The following CCDC7 variants were observed in gnomAD, a reference collection of about 807,000 sequenced individuals.
The protein encoded by CCDC7 is coiled-coil domain-containing protein 7.
In CCDC7, 183 loss-of-function variants were observed where a neutral mutation model predicts 196.9. The observed-to-expected ratio is 0.93, with a 90% confidence interval of 0.82 to 1.05. The LOEUF (loss-of-function observed/expected upper bound fraction) is 1.05. Among genes scored for constraint, CCDC7 ranks in the 50% least tolerant of loss-of-function variants. The pLI is 0.00. For synonymous variants in CCDC7, 525 were observed against 484.6 expected (o/e 1.08, Z -1.10); for missense variants, 1,540 against 1,482.2 (o/e 1.04, Z -0.64).
chr10:32,461,972 A>C (rs528230356), intron 3 of CCDC7, among the ~76,000 whole-genome samples: 2 of 151,626 alleles, frequency 1.3e-5, no homozygotes, highest in African/African-American at 4.8e-5. Context: ...GGGTTTCTCC[A>C]TGTTGGTCAG....
intron 21 of CCDC7, among the ~76,000 whole-genome samples, chr10:32,677,320 C>G (rs989104020): frequency 6.6e-6 from 1 of 151,158 alleles, no homozygotes; most frequent in South Asian, 2.1e-4. Flanking sequence ...ACATATGTAA[C>G]TAACCTGCAC....
intron 16 of CCDC7, among the ~76,000 whole-genome samples, chr10:32,577,438 A>T (rs1381494257): frequency 1.3e-5 from 2 of 152,140 alleles, no homozygotes; most frequent in African/African-American, 4.8e-5. Context: ...ATGGCTCATT[A>T]GTCTTTATAA....
chr10:32,695,706 A>G (rs924087057), intron 24 of CCDC7, among the ~76,000 whole-genome samples: 5 of 152,164 alleles, frequency 3.3e-5, no homozygotes, highest in African/African-American at 1.2e-4. Flanking sequence ...CACAGCCTTG[A>G]GGAGGACATT....
At chr10:32,797,212 T>C (rs1226997928) in intron 29 of CCDC7, among the ~76,000 whole-genome samples, 26 of 146,200 alleles carry the variant, frequency 1.8e-4, no homozygotes, top group Admixed American at 1.5e-3. Flanking sequence ...TACACACATA[T>C]ACACACACAC....
At chr10:32,785,102 A>G (rs1198102137) in intron 29 of CCDC7, among the ~76,000 whole-genome samples, 1 of 152,216 alleles carries the variant, frequency 6.6e-6, no homozygotes, top group Non-Finnish European at 1.5e-5. Flanking sequence ...CACTATTTTC[A>G]TCTCTATCAA....
chr10:32,730,702 C>T (rs1335382626), intron 28 of CCDC7, among the ~76,000 whole-genome samples: 3 of 151,516 alleles, frequency 2.0e-5, no homozygotes, highest in African/African-American at 7.3e-5. Context: ...TAGTAATTAA[C>T]ATATATTGTG....
chr10:32,845,768 T>TACACACACACAC (rs145287806), intron 35 of CCDC7, 108 bp from the exon 37 acceptor site: 112 of 750,684 alleles, frequency 1.5e-4, no homozygotes, highest in Non-Finnish European at 1.4e-4. Flanking sequence ...CTTCCATAAT[T>TACACACACACAC]ACACACACAC....
At chr10:32,800,579 C>T (rs1163451451) in intron 29 of CCDC7, among the ~76,000 whole-genome samples, 2 of 152,174 alleles carry the variant, frequency 1.3e-5, no homozygotes, top group East Asian at 3.9e-4. Flanking sequence ...AGCCAGTGAC[C>T]AGTAGTCCCT....
chr10:32,854,173 T>C (rs2504010), intron 40 of CCDC7, among the ~76,000 whole-genome samples: 51,977 of 152,076 alleles, frequency 0.34, 11,318 homozygotes, highest in Non-Finnish European at 0.49. Context: ...TAGTCTTTCT[T>C]TTTCTTGATT....
chr10:32,694,586 T>C (rs1247051596), intron 23 of CCDC7, among the ~76,000 whole-genome samples: 1 of 152,186 alleles, frequency 6.6e-6, no homozygotes, highest in Non-Finnish European at 1.5e-5. Context: ...ATTGTACCTA[T>C]GCATTTTTAT....
chr10:32,445,852 A>C (rs1162397706), upstream of CCDC7, among the ~76,000 whole-genome samples: 1 of 152,236 alleles, frequency 6.6e-6, no homozygotes, highest in East Asian at 1.9e-4. Context: ...GCTGAAGCCC[A>C]GGTTCTCAAA....
At chr10:32,452,007 A>T in intron 1 of CCDC7, 86 bp downstream of exon 2, 1 of 1,453,570 alleles carries the variant, frequency 6.9e-7, no homozygotes, top group Non-Finnish European at 9.1e-7. Flanking sequence ...ACATGACTCC[A>T]CATATAGTCA....
At chr10:32,873,851 T>G (rs2094512331) in intron 41 of CCDC7, among the ~76,000 whole-genome samples, 1 of 151,884 alleles carries the variant, frequency 6.6e-6, no homozygotes, top group African/African-American at 2.4e-5. Flanking sequence ...ACCAGCACTG[T>G]GTGAATGTTC....
At chr10:32,696,149 C>T (rs1247347238) in intron 24 of CCDC7, among the ~76,000 whole-genome samples, 1 of 152,054 alleles carries the variant, frequency 6.6e-6, no homozygotes, top group Non-Finnish European at 1.5e-5. Context: ...TGAATACAGT[C>T]AGGGGTAGAC....
At chr10:32,495,906 A>G (rs1275689236) in intron 9 of CCDC7, among the ~76,000 whole-genome samples, 1 of 152,108 alleles carries the variant, frequency 6.6e-6, no homozygotes, top group Admixed American at 6.5e-5. Flanking sequence ...AATTTAAAGT[A>G]GTTTTTTTTC....
chr10:32,676,092 C>T, intron 21 of CCDC7, among the ~76,000 whole-genome samples: 1 of 150,686 alleles, frequency 6.6e-6, no homozygotes, highest in Non-Finnish European at 1.5e-5. Flanking sequence ...ATATCTACAA[C>T]TACCTGATCT....
intron 9 of CCDC7, 83 bp downstream of exon 10, chr10:32,492,080 T>C (rs1589144155): frequency 2.6e-5 from 35 of 1,340,908 alleles, no homozygotes; most frequent in Non-Finnish European, 3.2e-5. Context: ...ATATGTAATA[T>C]GTTCATTGAA....
At position 32,457,078 on chromosome 10, in the gene CCDC7, C is replaced by T. The variant is rs201982250; in HGVS notation, c.456+744C>T. 1.2e-4 allele frequency among the ~76,000 whole-genome samples: 18 copies of T among 151,680 alleles called. No individual in the cohort carries two copies. The East Asian group carries it at 2.5e-3, about 21-fold the overall frequency. On this transcript the variant is annotated intron_variant, in intron 3 of 41. Coordinates refer to ENST00000639629, the Ensembl canonical transcript of CCDC7. Reference sequence around the variant, plus strand: ...GTGGTCACCCTATAGTGCTGTAGAACACTATAACTTATTTCTCCTATCTAG... The same window carrying T: ...GTGGTCACCCTATAGTGCTGTAGAATACTATAACTTATTTCTCCTATCTAG...
intron 18 of CCDC7, among the ~76,000 whole-genome samples, chr10:32,596,204 G>T (rs2060334427): frequency 6.6e-6 from 1 of 152,152 alleles, no homozygotes; most frequent in African/African-American, 2.4e-5. Flanking sequence ...CTTGCTTTAT[G>T]AATCTGGGTG....
Sources: gnomAD v4.1 joint callset for allele counts (sites outside exome capture counted in the v4.1 genomes callset) on GRCh38, gnomAD v4.1.1 for gene constraint, MANE v1.5 for transcripts, NCBI Gene and HGNC (gene_info 2026-07-23, HGNC 2026-07-21) for gene names.